Variants in MZT2B observed in about 807,000 individuals in gnomAD.
MZT2B encodes mitotic spindle organizing protein 2B.
Under a neutral mutation model 12.1 loss-of-function variants are expected in MZT2B, and 11 were observed. The observed-to-expected ratio is 0.91, with a 90% CI of 0.57 to 1.50. MZT2B has a LOEUF of 1.50. MZT2B is among the 40% of genes most tolerant of loss of function. The pLI, the probability that MZT2B is intolerant of heterozygous loss-of-function variation, is 0.00. For synonymous variants in MZT2B, 85 were observed against 109.5 expected, an observed-to-expected ratio of 0.78 and a Z score of 1.40; for missense variants, 209 against 227.7, an observed-to-expected ratio of 0.92 and a Z score of 0.53.
chr2:130,204,068 T>C, the MZT2B span: 3 of 972,804 alleles, frequency 3.1e-6, no homozygotes, highest in East Asian at 1.2e-4. Flanking sequence ...GTAACCAGCA[T>C]TGGCTGTCAC....
chr2:130,184,554 G>A, intron 2 of MZT2B: 1 of 985,362 alleles, frequency 1.0e-6, no homozygotes, highest in Non-Finnish European at 1.2e-6. Flanking sequence ...GGGGTCTTTG[G>A]TTGCACCTCC....
chr2:130,187,840 T>C (rs1182013270), intron 2 of MZT2B, among the ~76,000 whole-genome samples: 1 of 152,126 alleles, frequency 6.6e-6, no homozygotes, highest in East Asian at 1.9e-4. Context: ...CTTAAAGTTA[T>C]GTTGGTTTCA....
chr2:130,196,407 T>C, the MZT2B span: 2 of 1,598,422 alleles, frequency 1.3e-6, no homozygotes, highest in Non-Finnish European at 8.6e-7. Flanking sequence ...CCCATTCATT[T>C]CAAGGCAACT....
chr2:130,193,842 T>C (rs1266425823), downstream of MZT2B: 1 of 1,614,104 alleles, frequency 6.2e-7, no homozygotes, highest in Non-Finnish European at 8.5e-7. Flanking sequence ...GTCTTGATGG[T>C]GGCGATGGCC....
the MZT2B span, among the ~76,000 whole-genome samples, chr2:130,201,933 T>TTA: frequency 2.6e-5 from 4 of 152,204 alleles, no homozygotes; most frequent in Non-Finnish European, 5.9e-5. Flanking sequence ...GGGACCACTC[T>TTA]TATATATATG....
At chr2:130,182,153 T>A (rs1425667810), upstream of MZT2B, 1 of 1,248,776 alleles carries the variant, frequency 8.0e-7, no homozygotes, top group Non-Finnish European at 1.0e-6. Context: ...GGCGGCCCCG[T>A]CCCCGCGCTC....
downstream of MZT2B, chr2:130,191,742 G>A (rs181195557): frequency 4.7e-5 from 73 of 1,543,390 alleles, no homozygotes; most frequent in Non-Finnish European, 6.3e-5. Context: ...ACACTCAGAG[G>A]TCTTGGTTTT....
intron 2 of MZT2B, chr2:130,182,983 C>G: frequency 1.1e-6 from 1 of 872,502 alleles, no homozygotes. Context: ...ACGCAGAGTG[C>G]GTACCCCAGG....
At chr2:130,187,109 A>G (rs1053748793) in intron 2 of MZT2B, among the ~76,000 whole-genome samples, 30 of 151,764 alleles carry the variant, frequency 2.0e-4, no homozygotes, top group Non-Finnish European at 3.8e-4. Flanking sequence ...TGAATAACTT[A>G]TGTACTGATT....
chr2:130,181,669 C>G (rs2104948746), upstream of MZT2B: 3 of 1,550,366 alleles, frequency 1.9e-6, no homozygotes, highest in East Asian at 7.3e-5. Context: ...TGGGCCGTTA[C>G]CTCAAAAGGC....
chr2:130,186,782 T>C (rs1308230744), intron 2 of MZT2B, among the ~76,000 whole-genome samples: 2 of 152,140 alleles, frequency 1.3e-5, no homozygotes, highest in Non-Finnish European at 2.9e-5. Context: ...GGCACACATC[T>C]GTAGTTCCAG....
At chr2:130,188,102 T>G (rs1690126264) in intron 2 of MZT2B, 1 of 152,154 alleles carries the variant, frequency 6.6e-6, no homozygotes. Flanking sequence ...TCTTTTCTGC[T>G]TCCCTCTCAT....
the MZT2B span, among the ~76,000 whole-genome samples, chr2:130,201,329 C>T: frequency 6.6e-6 from 1 of 152,200 alleles, no homozygotes; most frequent in African/African-American, 2.4e-5. Flanking sequence ...GTGGCTTAAA[C>T]AGCAGGGTTT....
At chr2:130,203,944 G>T in the MZT2B span, among the ~76,000 whole-genome samples, 804 of 112,710 alleles carry the variant, frequency 7.1e-3, 36 homozygotes, top group African/African-American at 0.032. Context: ...TTGGTGTGGG[G>T]TTGTTGCTCA....
At chr2:130,200,050 C>A in the MZT2B span, among the ~76,000 whole-genome samples, 2 of 151,104 alleles carry the variant, frequency 1.3e-5, no homozygotes, top group African/African-American at 4.9e-5. Context: ...GAGCCAAGAT[C>A]ATGCCATTGC....
chr2:130,184,115 T>C (rs754136990), intron 2 of MZT2B: 1 of 1,527,602 alleles, frequency 6.5e-7, no homozygotes, highest in South Asian at 1.2e-5. Context: ...CAGGGCACGA[T>C]TTCTGACTCG....
chr2:130,182,220 G>A, upstream of MZT2B: 1 of 1,232,260 alleles, frequency 8.1e-7, no homozygotes. Context: ...CAGGGAGAGG[G>A]TGGTGGGCGC....
downstream of MZT2B, chr2:130,194,241 C>T (rs541090197): frequency 1.4e-5 from 23 of 1,611,974 alleles, no homozygotes; most frequent in Admixed American, 1.7e-5. Context: ...ACCATGAAGG[C>T]ACAGTCAGAA....
chr2:130,191,626 T>A (rs547565705), downstream of MZT2B: 50 of 786,970 alleles, frequency 6.4e-5, 1 homozygote, highest in South Asian at 6.8e-4. Flanking sequence ...TTATGTACAG[T>A]CCTGCTGCAC....
Sources: allele counts gnomAD v4.1 joint callset (sites outside exome capture counted in the v4.1 genomes callset), GRCh38; gene constraint gnomAD v4.1.1; transcripts MANE v1.5; gene names NCBI Gene and HGNC (gene_info 2026-07-23, HGNC 2026-07-21).